The following CAMTA1 variants were observed in gnomAD, a reference collection of about 807,000 sequenced individuals.
The protein encoded by CAMTA1 is calmodulin-binding transcription activator 1.
Under a neutral mutation model 170.9 loss-of-function variants are expected in CAMTA1, and 27 were observed. The observed-to-expected ratio is 0.16, with a 90% CI of 0.12 to 0.22. CAMTA1 has a LOEUF of 0.22. CAMTA1 is among the 10% of genes least tolerant of loss of function. The pLI, the probability that CAMTA1 is intolerant of heterozygous loss-of-function variation, is 1.00. For missense variants in CAMTA1, 1,619 were observed against 2,217.2 expected, an observed-to-expected ratio of 0.73 and a Z score of 5.42; for synonymous variants, 833 against 891.5, an observed-to-expected ratio of 0.93 and a Z score of 1.17.
intron 3 of CAMTA1, among the ~76,000 whole-genome samples, chr1:6,930,461 G>C (rs189417352): frequency 5.1e-4 from 78 of 152,230 alleles, no homozygotes; most frequent in Middle Eastern, 6.8e-3. Context: ...ATTCCACCAG[G>C]TTACAGAAAC....
rs12070886 is a variant in CAMTA1 at position 6,984,814 on chromosome 1, G to A, written c.235-106490G>A. 5.6e-3 allele frequency among the ~76,000 whole-genome samples: 858 copies of A among 152,240 alleles called. 7 individuals carry two copies. The highest frequency in any genetic ancestry group is 0.019 in the African/African-American group (809 of 41,502). On this transcript the variant is annotated intron_variant, in intron 3 of 22. Transcript: ENST00000303635. The stretch of plus-strand genomic sequence containing the variant: ...TCTGCCAGACACCGAGTTCAGACGC[G>A]TCAGGTCAGCTACCTGAAGAGGCGA...
intron 5 of CAMTA1, among the ~76,000 whole-genome samples, chr1:7,250,140 G>A (rs1666397065): frequency 6.6e-6 from 1 of 152,188 alleles, no homozygotes; most frequent in African/African-American, 2.4e-5. Context: ...ATTCTTGCAT[G>A]GTTGGGGTCC....
chr1:7,135,781 G>A (rs116052338), intron 4 of CAMTA1, among the ~76,000 whole-genome samples: 23 of 152,164 alleles, frequency 1.5e-4, no homozygotes, highest in East Asian at 7.7e-4. Context: ...TCTATCTGTC[G>A]TAATTCATGA....
chr1:7,590,274 T>C (rs1389242926), intron 6 of CAMTA1, among the ~76,000 whole-genome samples: 2 of 152,178 alleles, frequency 1.3e-5, no homozygotes, highest in Admixed American at 1.3e-4. Flanking sequence ...TGGCCAGGGC[T>C]GATCCTGAGC....
At chr1:6,979,273 G>T (rs532081166) in intron 3 of CAMTA1, among the ~76,000 whole-genome samples, 1 of 152,260 alleles carries the variant, frequency 6.6e-6, no homozygotes, top group East Asian at 1.9e-4. Context: ...CGGCACAGGG[G>T]GGCTTCCTAG....
intron 1 of CAMTA1, among the ~76,000 whole-genome samples, chr1:6,791,721 A>G (rs566230112): frequency 6.6e-6 from 1 of 152,330 alleles, no homozygotes; most frequent in South Asian, 2.1e-4. Context: ...ATAAGAGTGT[A>G]CGGTCATTCA....
chr1:7,724,763 C>T (rs2096672316), intron 11 of CAMTA1, among the ~76,000 whole-genome samples: 1 of 143,704 alleles, frequency 7.0e-6, no homozygotes, highest in Non-Finnish European at 1.5e-5. Flanking sequence ...GCGGAGGTTG[C>T]AGTGAGCCGA....
chr1:6,873,665 G>A (rs921853117), intron 3 of CAMTA1, among the ~76,000 whole-genome samples: 2 of 152,192 alleles, frequency 1.3e-5, no homozygotes, highest in Admixed American at 1.3e-4. Context: ...CTTATTTTAC[G>A]ATTAGATCAG....
At chr1:7,002,442 T>C (rs1299198125) in intron 3 of CAMTA1, among the ~76,000 whole-genome samples, 1 of 152,206 alleles carries the variant, frequency 6.6e-6, no homozygotes. Flanking sequence ...GTTTATTCTA[T>C]CATAAACCCA....
At chr1:7,149,751 C>T (rs981767464) in intron 4 of CAMTA1, among the ~76,000 whole-genome samples, 2 of 152,228 alleles carry the variant, frequency 1.3e-5, no homozygotes, top group Non-Finnish European at 2.9e-5. Flanking sequence ...GGAATAACTC[C>T]GGCCTGGGCG....
At chr1:7,403,127 G>A (rs1167643414) in intron 5 of CAMTA1, among the ~76,000 whole-genome samples, 1 of 152,020 alleles carries the variant, frequency 6.6e-6, no homozygotes, top group Non-Finnish European at 1.5e-5. Flanking sequence ...CCTAGGTGGG[G>A]GGATCAGCTG....
At chr1:7,460,551 G>A (rs2093059429) in intron 5 of CAMTA1, among the ~76,000 whole-genome samples, 3 of 151,718 alleles carry the variant, frequency 2.0e-5, no homozygotes, top group African/African-American at 7.3e-5. Context: ...TCCAAGCTAC[G>A]GCCCAGCTGG....
intron 4 of CAMTA1, among the ~76,000 whole-genome samples, chr1:7,209,420 A>G (rs1658353863): frequency 6.6e-6 from 1 of 152,186 alleles, no homozygotes; most frequent in African/African-American, 2.4e-5. Context: ...TTTGGGGTTG[A>G]TTCATATCTG....
chr1:7,698,917 T>G (rs1403396043), intron 11 of CAMTA1: 1 of 152,242 alleles, frequency 6.6e-6, no homozygotes, highest in Non-Finnish European at 1.5e-5. Context: ...GGCCTGTCTA[T>G]TCAGATTCCC....
At position 7,067,454 on chromosome 1, in the gene CAMTA1, AG is replaced by A. The variant is rs1465067876; in HGVS notation, c.235-23845del. 4.6e-5 allele frequency among the ~76,000 whole-genome samples: 7 copies of A among 151,976 alleles called. No homozygotes were observed. The highest frequency in any genetic ancestry group is 8.8e-5 in the Non-Finnish European group (6 of 68,006). The stretch of plus-strand genomic sequence containing the variant: ...TCTTCTTCTGCTTCTCTGAGATCTG[AG>A]GGGGATTTGAATGATCTTGACTCTG... On this transcript the variant is annotated intron_variant, in intron 3 of 22. Coordinates refer to ENST00000303635, the MANE Select transcript of CAMTA1 (RefSeq NM_015215.4). The surrounding 1 kb of genome is among the most constrained non-coding windows in gnomAD (Gnocchi z 4.3).
At chr1:6,919,128 G>A (rs1207558121) in intron 3 of CAMTA1, among the ~76,000 whole-genome samples, 3 of 152,240 alleles carry the variant, frequency 2.0e-5, no homozygotes, top group Non-Finnish European at 2.9e-5. Context: ...GTTTCTCTCC[G>A]TGGTGAGCCG....
At chr1:7,582,405 C>T (rs1286379591) in intron 6 of CAMTA1, among the ~76,000 whole-genome samples, 1 of 152,144 alleles carries the variant, frequency 6.6e-6, no homozygotes, top group African/African-American at 2.4e-5. Context: ...ATGAACGAGT[C>T]TCCAGCAGGA....
At chr1:7,605,263 C>T (rs997199286) in intron 6 of CAMTA1, among the ~76,000 whole-genome samples, 2 of 152,250 alleles carry the variant, frequency 1.3e-5, no homozygotes, top group Non-Finnish European at 2.9e-5. Flanking sequence ...TTTTGTTTGG[C>T]TATGCCCTGC....
intron 10 of CAMTA1, among the ~76,000 whole-genome samples, chr1:7,671,881 T>G (rs1369678679): frequency 6.6e-6 from 1 of 152,188 alleles, no homozygotes; most frequent in African/African-American, 2.4e-5. Context: ...ATCTTCTTGA[T>G]CACCATAGTA....
Sources: gnomAD v4.1 joint callset for allele counts (sites outside exome capture counted in the v4.1 genomes callset) on GRCh38, gnomAD v4.1.1 for gene constraint, Gnocchi (gnomAD v3.1) non-coding constraint, MANE v1.5 for transcripts, NCBI Gene and HGNC (gene_info 2026-07-23, HGNC 2026-07-21) for gene names.